The following HS6ST3 variants were observed in gnomAD, a reference collection of about 807,000 sequenced individuals.
HS6ST3 encodes heparan-sulfate 6-O-sulfotransferase 3.
In HS6ST3, 12 loss-of-function variants were observed where a neutral mutation model predicts 36.7. The ratio of observed to expected loss-of-function variants is 0.33; its 90% confidence interval spans 0.21 to 0.53. HS6ST3 has a LOEUF of 0.53. Ranked by LOEUF, HS6ST3 falls within the 20% of genes least tolerant of loss-of-function variation. HS6ST3 has a pLI of 0.95. For missense variants in HS6ST3, 584 were observed against 640.9 expected (o/e 0.91, Z 0.96); for synonymous variants, 240 against 257.5 (o/e 0.93, Z 0.65).
intron 1 of HS6ST3, among the ~76,000 whole-genome samples, chr13:96,687,224 G>A (rs1436714437): frequency 6.6e-6 from 1 of 152,032 alleles, no homozygotes; most frequent in South Asian, 2.1e-4. Flanking sequence ...TAGCCCCAGT[G>A]AATAAATTGT....
chr13:96,433,402 G>A (rs780278555), intron 1 of HS6ST3, among the ~76,000 whole-genome samples: 16 of 152,192 alleles, frequency 1.1e-4, no homozygotes, highest in Non-Finnish European at 2.1e-4. Context: ...TGTGTCAAGG[G>A]TAAGGTCAGG....
intron 1 of HS6ST3, among the ~76,000 whole-genome samples, chr13:96,583,204 CTTTTTTTTTTTTTTT>C (rs71292889): frequency 7.6e-5 from 4 of 52,932 alleles, no homozygotes; most frequent in Admixed American, 7.3e-4. Context: ...TTTTTCTTTT[CTTTTTTTTTTTTTTT>C]TTTTTTTTTT....
rs572566585 is a variant in HS6ST3, at chr13:96,693,330, G to A, written c.708-139160G>A. ...ATTATTATTATTATTTTGAGATGGC[G>A]TTTCACTTTTGTTACCCAGGCTGGA... On this transcript the variant is annotated intron_variant, in intron 1 of 1. Transcript: ENST00000376705. 3.9e-5 allele frequency among the ~76,000 whole-genome samples: 6 copies of A among 152,152 alleles called. No homozygotes were observed. In the South Asian group the frequency reaches 6.2e-4, roughly 16 times the overall value.
At chr13:96,516,120 G>A (rs2056071662) in intron 1 of HS6ST3, among the ~76,000 whole-genome samples, 2 of 151,268 alleles carry the variant, frequency 1.3e-5, no homozygotes, top group Admixed American at 1.3e-4. Context: ...GGAGTGCAGT[G>A]GGGTGATGTC....
intron 1 of HS6ST3, among the ~76,000 whole-genome samples, chr13:96,275,192 T>C (rs1394944438): frequency 6.6e-6 from 1 of 152,212 alleles, no homozygotes; most frequent in Non-Finnish European, 1.5e-5. Flanking sequence ...AACATGACGA[T>C]GGGTTCCTTT....
intron 1 of HS6ST3, among the ~76,000 whole-genome samples, chr13:96,451,825 A>G (rs1038110071): frequency 1.3e-5 from 2 of 152,222 alleles, no homozygotes; most frequent in Non-Finnish European, 2.9e-5. Context: ...GGAAATTTAT[A>G]CTAGGAGGTT....
At chr13:96,274,825 G>A (rs1395325745) in intron 1 of HS6ST3, among the ~76,000 whole-genome samples, 1 of 140,254 alleles carries the variant, frequency 7.1e-6, no homozygotes. Context: ...TCAGTGATTA[G>A]CTAACTTAGT....
At chr13:96,125,995 A>T (rs2053948937) in intron 1 of HS6ST3, among the ~76,000 whole-genome samples, 1 of 152,054 alleles carries the variant, frequency 6.6e-6, no homozygotes, top group Non-Finnish European at 1.5e-5. Flanking sequence ...CTCTTGAAAA[A>T]GTTTTACAAG....
intron 1 of HS6ST3, among the ~76,000 whole-genome samples, chr13:96,492,549 GC>G (rs1439410356): frequency 6.6e-6 from 1 of 152,198 alleles, no homozygotes; most frequent in African/African-American, 2.4e-5. Flanking sequence ...CAGAAATGTA[GC>G]CCCAGTGTCT....
intron 1 of HS6ST3, among the ~76,000 whole-genome samples, chr13:96,734,006 G>T (rs570463853): frequency 6.6e-6 from 1 of 152,180 alleles, no homozygotes; most frequent in Admixed American, 6.6e-5. Context: ...AGAGCAGCCA[G>T]ATTTAGCTTT....
chr13:96,432,287 T>A, intron 1 of HS6ST3, among the ~76,000 whole-genome samples: 1 of 152,224 alleles, frequency 6.6e-6, no homozygotes, highest in East Asian at 1.9e-4. Context: ...ACAGATTACA[T>A]TTACTATACA....
intron 1 of HS6ST3, among the ~76,000 whole-genome samples, chr13:96,831,954 C>CAAAAAAAAAAAAAAAAAAAA (rs35266831): frequency 7.3e-4 from 16 of 21,854 alleles, no homozygotes; most frequent in African/African-American, 1.1e-3. Context: ...GACTCCCTCT[C>CAAAAAAAAAAAAAAAAAAAA]AAAAAAAAAA....
At chr13:96,824,300 G>A (rs1878604353) in intron 1 of HS6ST3, among the ~76,000 whole-genome samples, 3 of 152,218 alleles carry the variant, frequency 2.0e-5, no homozygotes, top group Admixed American at 6.5e-5. Flanking sequence ...CCACATGCAC[G>A]CATCTCCATT....
chr13:96,710,985 T>A (rs148636046), intron 1 of HS6ST3, among the ~76,000 whole-genome samples: 1 of 152,238 alleles, frequency 6.6e-6, no homozygotes, highest in Non-Finnish European at 1.5e-5. Context: ...CTCAGACTTC[T>A]TGATGATTCC....
intron 1 of HS6ST3, among the ~76,000 whole-genome samples, chr13:96,560,388 C>A (rs1202512544): frequency 1.3e-5 from 2 of 152,036 alleles, no homozygotes; most frequent in African/African-American, 4.8e-5. Flanking sequence ...ATAAGAGGAG[C>A]CATGTATGAC....
At chr13:96,825,009 C>T (rs940576811) in intron 1 of HS6ST3, among the ~76,000 whole-genome samples, 1 of 152,158 alleles carries the variant, frequency 6.6e-6, no homozygotes, top group Non-Finnish European at 1.5e-5. Context: ...GAGGGGATCT[C>T]TGGTTTTGTG....
intron 1 of HS6ST3, among the ~76,000 whole-genome samples, chr13:96,480,213 A>G (rs888202973): frequency 3.9e-5 from 6 of 152,190 alleles, no homozygotes; most frequent in Non-Finnish European, 8.8e-5. Context: ...TTCTGGGTTC[A>G]AGCGATTCTT....
intron 1 of HS6ST3, among the ~76,000 whole-genome samples, chr13:96,661,274 C>T (rs937875408): frequency 6.6e-6 from 1 of 152,086 alleles, no homozygotes; most frequent in Non-Finnish European, 1.5e-5. Flanking sequence ...TGGTCTATCT[C>T]CTTTCTTAGG....
At chr13:96,239,875 A>G (rs573109823) in intron 1 of HS6ST3, among the ~76,000 whole-genome samples, 1 of 152,332 alleles carries the variant, frequency 6.6e-6, no homozygotes, top group East Asian at 1.9e-4. Flanking sequence ...AGCTACAGTC[A>G]GTGTCCACTC....
Sources: allele counts gnomAD v4.1 joint callset (sites outside exome capture counted in the v4.1 genomes callset), GRCh38; gene constraint gnomAD v4.1.1; transcripts MANE v1.5; gene names NCBI Gene and HGNC (gene_info 2026-07-23, HGNC 2026-07-21).